DISC1: variants seen among roughly 807,000 people sequenced by gnomAD.
DISC1 encodes the protein DISC1 scaffold protein.
Under a neutral mutation model 84.5 loss-of-function variants are expected in DISC1, and 57 were observed. That is an observed-to-expected ratio of 0.67 (90% CI 0.55 to 0.84). DISC1 has a LOEUF of 0.84. DISC1 is among the 40% of genes least tolerant of loss of function. The pLI, the probability that DISC1 is intolerant of heterozygous loss-of-function variation, is 0.00. For synonymous variants in DISC1, 411 were observed against 415.2 expected, an observed-to-expected ratio of 0.99 and a Z score of 0.12; for missense variants, 1,000 against 1,057.8, an observed-to-expected ratio of 0.95 and a Z score of 0.76.
At chr1:231,790,612 G>A (rs988100098) in intron 6 of DISC1, among the ~76,000 whole-genome samples, 2 of 151,616 alleles carry the variant, frequency 1.3e-5, no homozygotes, top group African/African-American at 2.4e-5. Context: ...TCTGCCTCCC[G>A]GGTTCACGCC....
chr1:232,032,983 G>T (rs1048242799), intron 12 of DISC1, among the ~76,000 whole-genome samples: 16 of 152,122 alleles, frequency 1.1e-4, no homozygotes, highest in African/African-American at 3.9e-4. Context: ...TTTTCTGTAA[G>T]TCAGTGAGAA....
chr1:231,773,055 G>A (rs1192462924), intron 6 of DISC1, among the ~76,000 whole-genome samples: 1 of 152,140 alleles, frequency 6.6e-6, no homozygotes. Flanking sequence ...TTGCAACTGA[G>A]GAATCAAAAA....
chr1:231,874,450 C>T (rs991051326), intron 9 of DISC1, among the ~76,000 whole-genome samples: 13 of 151,992 alleles, frequency 8.6e-5, no homozygotes, highest in Admixed American at 7.2e-4. Context: ...TGAGCCACCG[C>T]GCCCAGCCAA....
intron 3 of DISC1, among the ~76,000 whole-genome samples, chr1:231,728,918 G>C (rs1305859506): frequency 6.6e-6 from 1 of 152,172 alleles, no homozygotes; most frequent in Non-Finnish European, 1.5e-5. Flanking sequence ...ATGTATACGT[G>C]TGCCATGTTG....
intron 9 of DISC1, among the ~76,000 whole-genome samples, chr1:231,891,237 AT>A (rs2126004925): frequency 6.6e-6 from 1 of 152,296 alleles, no homozygotes; most frequent in South Asian, 2.1e-4. Context: ...CAAAAAAAAA[AT>A]CTCATAATAT....
intron 10 of DISC1, among the ~76,000 whole-genome samples, chr1:232,003,008 G>A (rs1046580263): frequency 6.6e-6 from 1 of 151,984 alleles, no homozygotes; most frequent in Non-Finnish European, 1.5e-5. Flanking sequence ...CTGGGTAAAG[G>A]TACATGAGAT....
At chr1:231,743,222 A>G (rs1287851269) in intron 3 of DISC1, among the ~76,000 whole-genome samples, 2 of 152,202 alleles carry the variant, frequency 1.3e-5, no homozygotes, top group East Asian at 1.9e-4. Flanking sequence ...ATAATAGACA[A>G]TCCTTTTGAA....
At chr1:231,809,084 C>T (rs1006970590) in intron 8 of DISC1, among the ~76,000 whole-genome samples, 2 of 152,146 alleles carry the variant, frequency 1.3e-5, no homozygotes, top group East Asian at 1.9e-4. Context: ...GTGTGAATGG[C>T]CTGTTTAAAG....
chr1:231,774,733 C>T (rs1431704358), intron 6 of DISC1: 1 of 455,988 alleles, frequency 2.2e-6, no homozygotes, highest in Non-Finnish European at 4.4e-6. Flanking sequence ...GAAGATATGT[C>T]TTTTCCAAGC....
At chr1:231,984,623 G>A (rs552980729) in intron 10 of DISC1, among the ~76,000 whole-genome samples, 4 of 152,268 alleles carry the variant, frequency 2.6e-5, no homozygotes, top group South Asian at 2.1e-4. Flanking sequence ...GATGAGTAAG[G>A]CATCTGGCCT....
rs111559102 is a variant in DISC1, at chr1:231,892,795, G to A, written c.1982-66033G>A. Among the ~76,000 whole-genome samples, 279 of 152,100 alleles carry A rather than the reference G, an allele frequency of 1.8e-3. 2 individuals carry two copies. Among genetic ancestry groups the A allele is most frequent in the African/African-American group, 6.4e-3 (265 of 41,472 alleles). Reference sequence around the variant, plus strand: ...ATGGATAAATAAATAAATAAATAACGGGGAGAAAGATGATTCCTAGAGTAG... The same window carrying A: ...ATGGATAAATAAATAAATAAATAACAGGGAGAAAGATGATTCCTAGAGTAG... On this transcript the variant is annotated intron_variant, in intron 9 of 12. Coordinates refer to ENST00000439617, the MANE Select transcript of DISC1 (RefSeq NM_018662.3).
chr1:231,873,793 G>GT (rs1231639262), intron 9 of DISC1, among the ~76,000 whole-genome samples: 1 of 152,156 alleles, frequency 6.6e-6, no homozygotes, highest in African/African-American at 2.4e-5. Flanking sequence ...TGTGGAAAAT[G>GT]TAATTGGAAT....
intron 6 of DISC1, among the ~76,000 whole-genome samples, chr1:231,790,645 A>G (rs2078268862): frequency 2.0e-5 from 3 of 151,704 alleles, no homozygotes; most frequent in Admixed American, 1.3e-4. Flanking sequence ...CAGCCTCCCA[A>G]GTAGCTGGGA....
rs1270196378 is a variant in DISC1, at chr1:231,693,868, G to A, written c.110G>A (p.Arg37Gln). ...CCACCTGCAGCGTGCTTTCGGAGGC[G>A]GCGGCTGGCACGGAGGCCGGGCTAC... ...CLPPAACFRR[R>Q]RLARRPGYMR... The change falls in exon 2 of 13, where the codon CGG (arginine) becomes CAG (glutamine). Residue 37 changes from arginine (R) to glutamine (Q), a missense_variant. By Grantham distance (43) the Arg-to-Gln change is conservative. Around this residue, in one of 3 missense-constraint regions of DISC1, gnomAD observed 292 missense variants for 280.2 expected, o/e 1.04. Transcript: ENST00000439617. 18 of 1,614,030 alleles carry A rather than the reference G, an allele frequency of 1.1e-5. No homozygotes were observed. The highest frequency in any genetic ancestry group is 6.6e-5 in the South Asian group (6 of 91,076).
intron 3 of DISC1, chr1:231,722,879 A>G (rs780351715): frequency 1.3e-5 from 18 of 1,377,882 alleles, no homozygotes; most frequent in Non-Finnish European, 1.6e-5. Context: ...GGCATGAAAA[A>G]ACCGCTATTG....
chr1:232,037,762 TAGTACTCAGTAACAGTGA>T lies in DISC1; in HGVS notation c.*944_*961del, dbSNP rs1670611630. The T allele has an allele frequency of 6.6e-6, 1 of 151,416 alleles. No homozygotes were observed. Among genetic ancestry groups the T allele is most frequent in the Admixed American group, 6.6e-5 (1 of 15,262 alleles). The allele number at this position is 151,416 out of a possible 1,614,324, so 9.4% of individuals were successfully genotyped here. On this transcript the variant is annotated 3_prime_UTR_variant, in exon 13 of 13. Coordinates refer to ENST00000439617, the MANE Select transcript of DISC1 (RefSeq NM_018662.3). ...GGCAGTGCAATACTCAGTAACAGTG[TAGTACTCAGTAACAGTGA>T]AGTACTCAGTAATACAGTACAGTAT...
intron 1 of DISC1, among the ~76,000 whole-genome samples, chr1:231,683,359 G>A (rs953829301): frequency 6.6e-6 from 1 of 151,698 alleles, no homozygotes; most frequent in African/African-American, 2.4e-5. Context: ...CCCATCCCTC[G>A]ATGTTGTAAT....
intron 1 of DISC1, among the ~76,000 whole-genome samples, chr1:231,663,400 CCTCT>C (rs1190931951): frequency 2.0e-5 from 3 of 152,164 alleles, no homozygotes; most frequent in Non-Finnish European, 4.4e-5. Context: ...GCTAGTCCAG[CCTCT>C]CTCATGATTT....
chr1:231,857,847 A>G (rs2084375328), intron 9 of DISC1, among the ~76,000 whole-genome samples: 1 of 152,196 alleles, frequency 6.6e-6, no homozygotes, highest in African/African-American at 2.4e-5. Context: ...CTTGGTTTCT[A>G]TGGCTGTGAT....
Sources: allele counts gnomAD v4.1 joint callset (sites outside exome capture counted in the v4.1 genomes callset), GRCh38; gene constraint gnomAD v4.1.1; regional missense constraint gnomAD v4.1.1; transcripts MANE v1.5; gene names NCBI Gene and HGNC (gene_info 2026-07-23, HGNC 2026-07-21).